PLEC: variants seen among roughly 807,000 people sequenced by gnomAD.
PLEC encodes the protein plectin, also known as hemidesmosomal protein 1.
PLEC carries 216 observed loss-of-function variants against 392.8 expected under a neutral mutation model. The ratio of observed to expected loss-of-function variants is 0.55; its 90% confidence interval spans 0.49 to 0.62. The LOEUF (loss-of-function observed/expected upper bound fraction) is 0.62. Ranked by LOEUF, PLEC falls within the 20% of genes least tolerant of loss-of-function variation. PLEC has a pLI of 0.00. For missense variants in PLEC, 6,863 were observed against 6,563.4 expected (o/e 1.05, Z -1.58); for synonymous variants, 3,621 against 2,980.6 (o/e 1.21, Z -7.00).
chr8:143,928,740 TA>T (rs1197939112), intron 25 of PLEC, among the ~76,000 whole-genome samples: 1 of 152,176 alleles, frequency 6.6e-6, no homozygotes, highest in Non-Finnish European at 1.5e-5. Context: ...CAGAGGCCCT[TA>T]AGTCCAGGCC....
rs782235783 is a variant in PLEC at position 143,917,951 on chromosome 8, A to C, written c.11870T>G (p.Ile3957Ser). 1.2e-6 allele frequency: 2 copies of C among 1,612,950 alleles called. No homozygotes were observed. Among genetic ancestry groups the C allele is most frequent in the Non-Finnish European group, 1.7e-6 (2 of 1,179,968 alleles). ...LSVYQAMKKGIIRPGTAFELL... is the reference protein window; with the variant it reads ...LSVYQAMKKGSIRPGTAFELL... ...CTCAAAGGCTGTGCCGGGGCGGATG[A>C]TGCCCTTCTTCATGGCCTGGTACAC... Residue 3957 changes from isoleucine to serine, a missense_variant, in exon 32 of 32, where the codon ATC becomes AGC. Transcript: ENST00000345136.
Position 143,918,198 on chromosome 8 carries a change from G to A in PLEC, c.11623C>T (p.Leu3875=). The A allele has an allele frequency of 6.3e-7, 1 of 1,587,936 alleles. No individual in the cohort carries two copies. The highest frequency in any genetic ancestry group is 1.8e-4 in the Middle Eastern group (1 of 5,424). Residue 3875 remains leucine, a synonymous_variant, in exon 32 of 32, where the codon CTG becomes TTG. Coordinates refer to ENST00000345136, the MANE Select transcript of PLEC (RefSeq NM_201384.3). ...AGCTTGCGGGCGTCCGACAGTGGCA[G>A]GAGCAGCTGGCCGGTGCCGTCGTCA... ...RRDDGTGQLL[L]PLSDARKLTF...
Position 143,929,711 on chromosome 8 carries a change from A to G in PLEC, c.2858T>C (p.Met953Thr), listed in dbSNP as rs1554711698. The stretch of plus-strand genomic sequence containing the variant: ...GCAGGAGCCGTACTCGCGCTCAGCC[A>G]TCAGCCGGTCCTCGGGTCCGAAGCC... Reference protein sequence around the residue: ...AGGFGPEDRLMAEREYGSCSH... With the variant: ...AGGFGPEDRLTAEREYGSCSH... The change falls in exon 23 of 32, where the codon ATG (methionine) becomes ACG (threonine). Residue 953 changes from methionine to threonine, a missense_variant. Transcript: ENST00000345136. The G allele has an allele frequency of 2.5e-6, 4 of 1,599,730 alleles. No individual in the cohort carries two copies. In the South Asian group the frequency reaches 3.3e-5, roughly 13 times the overall value.
intron 1 of PLEC, among the ~76,000 whole-genome samples, chr8:143,944,903 C>T (rs567373324): frequency 5.9e-5 from 9 of 152,256 alleles, no homozygotes; most frequent in East Asian, 3.9e-4. Flanking sequence ...ACATGACGCA[C>T]GGCGCCAGGG....
rs782169513 is a variant in PLEC at position 143,927,072 on chromosome 8, G to A, written c.3850C>T (p.Leu1284Phe). Residue 1284 changes from leucine to phenylalanine, a missense_variant, in exon 29 of 32, where the codon CTC (leucine) becomes TTC (phenylalanine). Physicochemically the swap from Leu to Phe is conservative, Grantham distance 22. Coordinates refer to ENST00000345136, the MANE Select transcript of PLEC (RefSeq NM_201384.3). Reference sequence around the variant, plus strand: ...TGCGCCTTGTACGTCACCAGCTGGAGTTCATAGTCCTGTGGCAATGCACTG... The same window carrying A: ...TGCGCCTTGTACGTCACCAGCTGGAATTCATAGTCCTGTGGCAATGCACTG... ...QYINAIKDYE[L>F]QLVTYKAQLE... is the part of the protein sequence containing the mutation. 35 of 1,610,662 alleles carry A rather than the reference G, an allele frequency of 2.2e-5. No homozygotes were observed. The highest frequency in any genetic ancestry group is 2.8e-5 in the Non-Finnish European group (33 of 1,179,802).
At chr8:143,950,814 G>T in exon 1 of PLEC, 1 of 1,502,288 alleles carries the variant, frequency 6.7e-7, no homozygotes, top group South Asian at 1.3e-5. Flanking sequence ...TGTGACAGCG[G>T]GCAGCGGCAG....
chr8:143,932,733 A>G (rs1048843163), intron 14 of PLEC, 21 bp from the exon 15 acceptor site: 2 of 1,607,998 alleles, frequency 1.2e-6, no homozygotes, highest in Non-Finnish European at 1.7e-6. Context: ...TGAGACGGTG[A>G]GGTCTGCAGT....
intron 1 of PLEC, among the ~76,000 whole-genome samples, chr8:143,960,310 A>T (rs528039014): frequency 6.6e-6 from 1 of 151,150 alleles, no homozygotes; most frequent in South Asian, 2.1e-4. Context: ...ATAATAAAAT[A>T]AACAATAAAA....
At chr8:143,951,883 C>CGCT (rs577179556), upstream of PLEC, among the ~76,000 whole-genome samples, 169 of 152,248 alleles carry the variant, frequency 1.1e-3, no homozygotes, top group African/African-American at 3.8e-3. Context: ...CTCCCCGCCC[C>CGCT]GCTGCTGCCG....
upstream of PLEC, among the ~76,000 whole-genome samples, chr8:143,951,397 C>T (rs564469146): frequency 1.6e-4 from 25 of 152,014 alleles, no homozygotes; most frequent in Admixed American, 3.3e-4. Context: ...CCGAGGGGAG[C>T]GGCTGGGGGC....
At chr8:143,960,406 C>T (rs1281582734) in intron 1 of PLEC, among the ~76,000 whole-genome samples, 1 of 151,810 alleles carries the variant, frequency 6.6e-6, no homozygotes, top group Admixed American at 6.6e-5. Flanking sequence ...CACCTGAGGT[C>T]AGAAGTTCGA....
Position 143,919,458 on chromosome 8 carries a change from G to A in PLEC, c.10363C>T (p.Leu3455=), listed in dbSNP as rs782756269. 48 of 1,613,190 alleles carry A rather than the reference G, an allele frequency of 3.0e-5. No individual in the cohort carries two copies. The Admixed American group carries it at 8.0e-4, about 27-fold the overall frequency. ...CGGATGCCGTGCTGCCGGAGAACCA[G>A]GCCCTTCTGCATGGCCTGGAAGAGG... is the stretch of plus-strand genomic sequence containing the variant. The part of the protein sequence containing the change: ...ISLFQAMQKG[L]VLRQHGIRLL... Residue 3455 remains leucine (L), a synonymous_variant, in exon 32 of 32, where the codon CTG becomes TTG. Coordinates refer to ENST00000345136, the MANE Select transcript of PLEC (RefSeq NM_201384.3).
At chr8:143,930,828 C>A (rs1473957856) in intron 19 of PLEC, among the ~76,000 whole-genome samples, 3 of 152,216 alleles carry the variant, frequency 2.0e-5, no homozygotes, top group Non-Finnish European at 2.9e-5. Flanking sequence ...CTTGCCCCTC[C>A]CCTGCGGGCT....
rs782294435 is a variant in PLEC, at chr8:143,916,400, T to G, written c.13421A>C (p.Tyr4474Ser). ...LEAAAQSTKG[Y>S]YSPYSVSGSG... Reference sequence around the variant, plus strand: ...GCCGCTGACGCTGTAGGGGCTGTAGTAGCCCTTGGTGGACTGCGCGGCAGC... The same window carrying G: ...GCCGCTGACGCTGTAGGGGCTGTAGGAGCCCTTGGTGGACTGCGCGGCAGC... Residue 4474 changes from tyrosine (Y) to serine (S), a missense_variant, in exon 32 of 32, where the codon TAC becomes TCC. Coordinates refer to ENST00000345136, the MANE Select transcript of PLEC (RefSeq NM_201384.3). 6.2e-7 allele frequency: 1 copy of G among 1,611,292 alleles called. No homozygotes were observed. Among genetic ancestry groups the G allele is most frequent in the Non-Finnish European group, 8.5e-7 (1 of 1,179,272 alleles).
rs782702820 is a variant in PLEC, at chr8:143,919,540, C to T, written c.10281G>A (p.Leu3427=). The stretch of plus-strand genomic sequence containing the variant: ...AGCCGGTGACGGCCTTCTCGGCAGA[C>T]AGCAGCTGCTCGTGAAGCTCGGGGC... ...VVGPELHEQL[L]SAEKAVTGYR... is the part of the protein sequence containing the mutation. The change falls in exon 32 of 32, where the codon CTG becomes CTA. Residue 3427 remains leucine, a synonymous_variant. Coordinates refer to ENST00000345136, the MANE Select transcript of PLEC (RefSeq NM_201384.3). 5 of 1,610,832 alleles carry T rather than the reference C, an allele frequency of 3.1e-6. No individual in the cohort carries two copies. The highest frequency in any genetic ancestry group is 2.2e-5 in the South Asian group (2 of 91,070).
chr8:143,938,085 AG>A, intron 3 of PLEC, 65 bp downstream of exon 3: 1 of 1,154,912 alleles, frequency 8.7e-7, no homozygotes. Flanking sequence ...GGCCCCAAGG[AG>A]GGAAGGCAGG....
At chr8:143,938,824 C>T (rs1163218194) in intron 1 of PLEC, 132 bp from the exon 2 acceptor site, 2 of 785,082 alleles carry the variant, frequency 2.5e-6, no homozygotes, top group Non-Finnish European at 2.2e-6. Context: ...CCTCAGATCA[C>T]ACACTGAGAC....
At chr8:143,942,489 G>C (rs190108480), upstream of PLEC, 7,111 of 1,590,230 alleles carry the variant, frequency 4.5e-3, 28 homozygotes, top group Non-Finnish European at 5.3e-3. Context: ...CCCTCGGCGA[G>C]GCAAAGGCGC....
Position 143,922,359 on chromosome 8 carries a change from T to TCTCCTGCAGCAGCTG in PLEC, c.7447_7461dup (p.Gln2483_Glu2487dup). ...AGGAAGCTTTGCTGCAGGGCCTGCG[T>TCTCCTGCAGCAGCTG]CTCCTGCAGCAGCTGCTCCTGCTGC... On this transcript the variant is annotated inframe_insertion, in exon 32 of 32. Coordinates refer to ENST00000345136, the MANE Select transcript of PLEC (RefSeq NM_201384.3). 2 of 1,603,854 alleles carry TCTCCTGCAGCAGCTG rather than the reference T, an allele frequency of 1.2e-6. No individual in the cohort carries two copies. Among genetic ancestry groups the TCTCCTGCAGCAGCTG allele is most frequent in the Middle Eastern group, 3.3e-4 (2 of 6,060 alleles).
Sources: allele counts gnomAD v4.1 joint callset (sites outside exome capture counted in the v4.1 genomes callset), GRCh38; gene constraint gnomAD v4.1.1; transcripts MANE v1.5; gene names NCBI Gene and HGNC (gene_info 2026-07-23, HGNC 2026-07-21).